Variants in SEC14L1 observed in about 807,000 individuals in gnomAD.
SEC14L1 encodes SEC14 like lipid binding 1.
A neutral mutation model predicts 85.3 loss-of-function variants in SEC14L1; 48 were observed. The ratio of observed to expected loss-of-function variants is 0.56; its 90% CI spans 0.45 to 0.72. The LOEUF is 0.72. Ranked by LOEUF, SEC14L1 falls within the 30% of genes least tolerant of loss-of-function variation. The probability of loss-of-function intolerance (pLI) is 0.00; values close to 1 mark genes in which losing one functional copy is unlikely to be tolerated. For synonymous variants in SEC14L1, 391 were observed against 355.5 expected, an observed-to-expected ratio of 1.10 and a Z score of -1.12; for missense variants, 682 against 921.4, an observed-to-expected ratio of 0.74 and a Z score of 3.36.
intron 3 of SEC14L1, among the ~76,000 whole-genome samples, chr17:77,145,966 C>T (rs888878524): frequency 2.6e-5 from 4 of 152,384 alleles, no homozygotes; most frequent in Admixed American, 2.0e-4. Flanking sequence ...CCCAGTTCAA[C>T]TCTGTGGCAT....
upstream of SEC14L1, among the ~76,000 whole-genome samples, chr17:77,140,266 GGC>G (rs2143487883): frequency 6.6e-6 from 1 of 152,310 alleles, no homozygotes; most frequent in East Asian, 1.9e-4. Flanking sequence ...GCAGGCCCTG[GGC>G]GCGCGTCTCA....
intron 3 of SEC14L1, among the ~76,000 whole-genome samples, chr17:77,110,877 CAA>C (rs1212651345): frequency 4.1e-4 from 19 of 46,652 alleles, no homozygotes; most frequent in South Asian, 7.8e-4. Context: ...GACTCTGTCT[CAA>C]AAAAAAAAAA....
At chr17:77,108,299 C>G (rs1971965769) in intron 3 of SEC14L1, among the ~76,000 whole-genome samples, 1 of 152,216 alleles carries the variant, frequency 6.6e-6, no homozygotes, top group Non-Finnish European at 1.5e-5. Context: ...TAACCCAGTT[C>G]TGTCCGGCAG....
chr17:77,211,762 G>A, intron 14 of SEC14L1, 188 bp from the exon 15 acceptor site: 1 of 701,512 alleles, frequency 1.4e-6, no homozygotes, highest in Non-Finnish European at 2.4e-6. Context: ...ATGACATGTA[G>A]CAGGATCCAG....
chr17:77,176,302 A>G (rs1378487643), intron 3 of SEC14L1, among the ~76,000 whole-genome samples: 1 of 152,112 alleles, frequency 6.6e-6, no homozygotes, highest in Non-Finnish European at 1.5e-5. Flanking sequence ...AAAAAAAAAA[A>G]GTAAACCAAT....
chr17:77,167,292 A>T (rs1974328638), intron 3 of SEC14L1, among the ~76,000 whole-genome samples: 1 of 151,458 alleles, frequency 6.6e-6, no homozygotes. Context: ...GCAGTACTAC[A>T]CCCAGCTAAT....
chr17:77,208,781 T>C (rs951563374), intron 13 of SEC14L1, among the ~76,000 whole-genome samples: 2 of 152,242 alleles, frequency 1.3e-5, no homozygotes, highest in Non-Finnish European at 2.9e-5. Flanking sequence ...TGTGGAGTCA[T>C]TGTGTCAAGG....
intron 3 of SEC14L1, among the ~76,000 whole-genome samples, chr17:77,155,745 A>T (rs1301235430): frequency 6.6e-6 from 1 of 152,050 alleles, no homozygotes; most frequent in Non-Finnish European, 1.5e-5. Context: ...TTATTTATTT[A>T]ATTTTTTTGA....
At chr17:77,107,937 T>G (rs1473669395) in intron 3 of SEC14L1, among the ~76,000 whole-genome samples, 4 of 151,962 alleles carry the variant, frequency 2.6e-5, no homozygotes, top group Non-Finnish European at 5.9e-5. Context: ...AGAGACGGGG[T>G]CTCACTATGT....
At chr17:77,120,643 A>AT (rs1232703791) in intron 3 of SEC14L1, among the ~76,000 whole-genome samples, 1 of 152,026 alleles carries the variant, frequency 6.6e-6, no homozygotes, top group Non-Finnish European at 1.5e-5. Flanking sequence ...CGCCCAGCTA[A>AT]TTTTTGTATT....
chr17:77,100,805 G>C (rs62078276), intron 3 of SEC14L1, among the ~76,000 whole-genome samples: 1 of 151,924 alleles, frequency 6.6e-6, no homozygotes, highest in Non-Finnish European at 1.5e-5. Flanking sequence ...GTAACTTTAC[G>C]TAAGGTCAAT....
chr17:77,158,291 C>T (rs1973898244), intron 3 of SEC14L1, among the ~76,000 whole-genome samples: 3 of 152,310 alleles, frequency 2.0e-5, no homozygotes, highest in East Asian at 3.9e-4. Flanking sequence ...CTCCCCAAAT[C>T]GAAGCTCTGT....
chr17:77,178,066 T>G (rs866148168), intron 3 of SEC14L1, among the ~76,000 whole-genome samples: 1 of 18,760 alleles, frequency 5.3e-5, no homozygotes, highest in East Asian at 2.3e-3. Context: ...CCCCCCCCCC[T>G]TTTTTTTTTG....
chr17:77,179,377 C>T (rs1213112373), intron 3 of SEC14L1, among the ~76,000 whole-genome samples: 1 of 152,224 alleles, frequency 6.6e-6, no homozygotes, highest in Admixed American at 6.5e-5. Flanking sequence ...TGTTTACTGT[C>T]TGTTCTTTCA....
intron 3 of SEC14L1, among the ~76,000 whole-genome samples, chr17:77,110,791 G>C (rs1478918276): frequency 6.6e-6 from 1 of 150,816 alleles, no homozygotes; most frequent in Non-Finnish European, 1.5e-5. Context: ...GGCTGAGGCA[G>C]GAGAATGGTG....
chr17:77,133,666 C>T (rs766472417), intron 3 of SEC14L1, among the ~76,000 whole-genome samples: 13 of 152,064 alleles, frequency 8.5e-5, no homozygotes, highest in South Asian at 6.2e-4. Flanking sequence ...GTGCTGGGCA[C>T]GGTGGCTCAC....
At chr17:77,145,916 C>T (rs1286857138) in intron 3 of SEC14L1, among the ~76,000 whole-genome samples, 2 of 152,218 alleles carry the variant, frequency 1.3e-5, no homozygotes, top group African/African-American at 2.4e-5. Context: ...CATGTGGCTT[C>T]AGCTCGAGGA....
At chr17:77,207,088 C>T (rs1254794) in intron 13 of SEC14L1, among the ~76,000 whole-genome samples, 5 of 151,998 alleles carry the variant, frequency 3.3e-5, no homozygotes, top group African/African-American at 7.3e-5. Flanking sequence ...AATGAGAATT[C>T]GTAGAATCAA....
intron 3 of SEC14L1, among the ~76,000 whole-genome samples, chr17:77,145,566 G>A (rs1231443874): frequency 1.3e-5 from 2 of 152,314 alleles, no homozygotes; most frequent in East Asian, 1.9e-4. Flanking sequence ...GCTGTTAACA[G>A]TATTTTATGT....
Sources: gnomAD v4.1 joint callset for allele counts (sites outside exome capture counted in the v4.1 genomes callset) on GRCh38, gnomAD v4.1.1 for gene constraint, MANE v1.5 for transcripts, NCBI Gene and HGNC (gene_info 2026-07-23, HGNC 2026-07-21) for gene names.